The following ZNF350 variants were observed in gnomAD, a reference collection of about 807,000 sequenced individuals.
ZNF350 encodes KRAB zinc finger protein ZFQR.
Under a neutral mutation model 13.1 loss-of-function variants are expected in ZNF350, and 5 were observed. The ratio of observed to expected loss-of-function variants is 0.38; its 90% CI spans 0.20 to 0.80. The LOEUF (loss-of-function observed/expected upper bound fraction) is 0.80. Among genes scored for constraint, ZNF350 ranks in the 30% least tolerant of loss-of-function variants. The pLI, the probability that ZNF350 is intolerant of heterozygous loss-of-function variation, is 0.43. For synonymous variants in ZNF350, 199 were observed against 224.2 expected (o/e 0.89, Z 1.00); for missense variants, 534 against 644.2 (o/e 0.83, Z 1.85).
At chr19:51,983,881 T>C (rs2086112677) in intron 1 of ZNF350, among the ~76,000 whole-genome samples, 1 of 152,222 alleles carries the variant, frequency 6.6e-6, no homozygotes, top group Non-Finnish European at 1.5e-5. Context: ...TCTGATTTCT[T>C]TTCTCAGTCT....
intron 2 of ZNF350, 185 bp downstream of exon 2, chr19:51,974,161 T>A (rs777544152): frequency 3.4e-5 from 19 of 560,302 alleles, no homozygotes; most frequent in Non-Finnish European, 5.5e-5. Context: ...GTGTTAATGC[T>A]ATGAACATTA....
intron 1 of ZNF350, chr19:51,981,157 TG>T (rs2086026115): frequency 6.6e-6 from 1 of 152,228 alleles, no homozygotes; most frequent in Non-Finnish European, 1.5e-5. Context: ...TAAGGTTTGC[TG>T]GAGGCAATCA....
rs965092759 is a variant in ZNF350 at position 51,965,537 on chromosome 19, T to C, written c.916A>G (p.Ile306Val). Reference protein sequence around the residue: ...GKGFIQKGNLIVHQRIHTGEK... With the variant: ...GKGFIQKGNLVVHQRIHTGEK... ...CCTGTATGAATTCGCTGGTGTACAA[T>C]GAGATTTCCTTTCTGGATGAAGCCT... Residue 306 changes from isoleucine to valine, a missense_variant, in exon 5 of 5, where the codon ATT (isoleucine) becomes GTT (valine). Coordinates refer to ENST00000243644, the MANE Select transcript of ZNF350 (RefSeq NM_021632.4). 1.2e-6 allele frequency: 2 copies of C among 1,613,276 alleles called. No homozygotes were observed. The highest frequency in any genetic ancestry group is 3.3e-5 in the Admixed American group (2 of 60,010).
rs2085909231 is a variant in ZNF350, at chr19:51,976,817, A to ATTGG, written c.-171-2290_-171-2287dup. 1 of 152,232 alleles carries ATTGG rather than the reference A, an allele frequency of 6.6e-6. No homozygotes were observed. The highest frequency in any genetic ancestry group is 2.4e-5 in the African/African-American group (1 of 41,446). The allele number at this position is 152,232 out of a possible 1,614,324, so 9.4% of individuals were successfully genotyped here. A position where few individuals can be genotyped will look rare whatever the true frequency, so the allele number is the denominator to read the frequency against. ...CAGGCAGGCACTCTTGATGTGGAAA[A>ATTGG]TTGGGATACAGCAGGAGAAGGATTA... On this transcript the variant is annotated intron_variant, in intron 1 of 4. Transcript: ENST00000243644. This position sits in a 1 kb window ranked among gnomAD's most constrained non-coding sequence, Gnocchi z 4.5.
At chr19:51,968,927 T>C in intron 3 of ZNF350, 78 bp downstream of exon 3, 1 of 1,613,240 alleles carries the variant, frequency 6.2e-7, no homozygotes, top group South Asian at 1.1e-5. Context: ...ACTGCAGGCA[T>C]TCCAAAGAGG....
Position 51,965,838 on chromosome 19 carries a change from A to T in ZNF350, c.615T>A (p.His205Gln), listed in dbSNP as rs2085552678. The T allele has an allele frequency of 1.9e-6, 3 of 1,614,028 alleles. No individual in the cohort carries two copies. The highest frequency in any genetic ancestry group is 2.5e-6 in the Non-Finnish European group (3 of 1,180,044). The stretch of plus-strand genomic sequence containing the variant: ...CTTTCCCACATTCACTGCACACATG[A>T]TGCTTCTCTAATTTTCGTGTTTTCT... ...KHQKTRKLEK[H>Q]HVCSECGKAF... Residue 205 changes from histidine (H) to glutamine (Q), a missense_variant, in exon 5 of 5, where the codon CAT becomes CAA. Coordinates refer to ENST00000243644, the MANE Select transcript of ZNF350 (RefSeq NM_021632.4).
intron 2 of ZNF350, among the ~76,000 whole-genome samples, chr19:51,971,436 AG>A (rs1461290947): frequency 6.6e-6 from 1 of 152,214 alleles, no homozygotes; most frequent in Admixed American, 6.5e-5. Flanking sequence ...AGGGAGCCAA[AG>A]GTCCGTGGGA....
intron 1 of ZNF350, among the ~76,000 whole-genome samples, chr19:51,983,502 A>G (rs1444459031): frequency 6.6e-6 from 1 of 152,204 alleles, no homozygotes; most frequent in Non-Finnish European, 1.5e-5. Context: ...CCAATCATAC[A>G]TTCTATTTAC....
chr19:51,964,632 T>G lies in ZNF350; in HGVS notation c.*222A>C, dbSNP rs1381602803. 5.5e-6 allele frequency: 3 copies of G among 541,576 alleles called. No individual in the cohort carries two copies. Among genetic ancestry groups the G allele is most frequent in the Non-Finnish European group, 9.7e-6 (3 of 310,878 alleles). The allele number at this position is 541,576 out of a possible 1,614,324, so 33.5% of individuals were successfully genotyped here. On this transcript the variant is annotated 3_prime_UTR_variant, in exon 5 of 5. Coordinates refer to ENST00000243644, the MANE Select transcript of ZNF350 (RefSeq NM_021632.4). ...CTTCATTTCCTCCACTTAAAAGTAC[T>G]TGGGCTTCCTTTACTCATTTAATTG...
chr19:51,978,860 A>T (rs188831002), intron 1 of ZNF350, among the ~76,000 whole-genome samples: 11 of 152,352 alleles, frequency 7.2e-5, no homozygotes, highest in South Asian at 4.1e-4. Context: ...GTGTTAGAGG[A>T]AAAAAGCAAA....
intron 1 of ZNF350, chr19:51,981,019 T>G (rs1568487088): frequency 6.6e-6 from 1 of 152,188 alleles, no homozygotes; most frequent in South Asian, 2.1e-4. Flanking sequence ...GAAAGGGGGA[T>G]ATGCAGGGAG....
At position 51,974,424 on chromosome 19, in the gene ZNF350, CT is replaced by C. The variant is rs972513261; in HGVS notation, c.-65del. The C allele has an allele frequency of 6.3e-7, 1 of 1,586,164 alleles. No individual in the cohort carries two copies. The highest frequency in any genetic ancestry group is 1.3e-5 in the African/African-American group (1 of 74,088). ...GTCTGTCTTTGTATCTTCTGGCCTT[CT>C]CTTCAGAAGTCTCAGTTTTCAATCA... On this transcript the variant is annotated 5_prime_UTR_variant, in exon 2 of 5. Transcript: ENST00000243644.
At position 51,974,380 on chromosome 19, in the gene ZNF350, A is replaced by G; in HGVS notation, c.-20T>C. 6.2e-7 allele frequency: 1 copy of G among 1,613,740 alleles called. No homozygotes were observed. Among genetic ancestry groups the G allele is most frequent in the Non-Finnish European group, 8.5e-7 (1 of 1,179,772 alleles). On this transcript the variant is annotated 5_prime_UTR_variant, in exon 2 of 5. Transcript: ENST00000243644. ...GATCATTTTCTTCTGTTCTTGGAAG[A>G]CAGCATTCAACTGGGATGGTCTGTC...
intron 4 of ZNF350, chr19:51,967,408 AAAAAATAAATTAAT>A (rs1211171599): frequency 1.3e-5 from 2 of 152,090 alleles, no homozygotes; most frequent in Non-Finnish European, 2.9e-5. Flanking sequence ...TGTCTTAAAA[AAAAAATAAATTAAT>A]AAAAATAAAT....
At chr19:51,968,821 T>A in intron 3 of ZNF350, 148 bp from the exon 4 acceptor site, 1 of 1,443,270 alleles carries the variant, frequency 6.9e-7, no homozygotes, top group Non-Finnish European at 9.5e-7. Flanking sequence ...TTTCGTTTCA[T>A]ATCTGTAACA....
At chr19:51,969,257 C>T (rs1209234064) in intron 2 of ZNF350, 126 bp from the exon 3 acceptor site, 14 of 1,110,670 alleles carry the variant, frequency 1.3e-5, no homozygotes, top group Admixed American at 2.9e-5. Flanking sequence ...TTTTTTAATA[C>T]AATGTGGAAG....
Position 51,969,061 on chromosome 19 carries a change from T to G in ZNF350, c.86A>C (p.Gln29Pro). 1 of 1,614,142 alleles carries G rather than the reference T, an allele frequency of 6.2e-7. No homozygotes were observed. Among genetic ancestry groups the G allele is most frequent in the Non-Finnish European group, 8.5e-7 (1 of 1,179,998 alleles). The change falls in exon 3 of 5, where the codon CAG becomes CCG. Residue 29 changes from glutamine to proline, a missense_variant. Coordinates refer to ENST00000243644, the MANE Select transcript of ZNF350 (RefSeq NM_021632.4). ...WEEWQLLGAA[Q>P]KDLYRDVMLE... ...CATCACATCCCGGTACAGGTCCTTCTGAGCAGCGCCCAGGAGTTGCCACTC... is the reference window on the plus strand; with the variant it reads ...CATCACATCCCGGTACAGGTCCTTCGGAGCAGCGCCCAGGAGTTGCCACTC...
rs1322889405 is a variant in ZNF350 at position 51,966,273 on chromosome 19, G to GTT, written c.239-61_239-60dup. 1.1e-5 allele frequency: 16 copies of GTT among 1,457,584 alleles called. No individual in the cohort carries two copies. The African/African-American group carries it at 1.2e-4, about 11-fold the overall frequency. 90.3% of individuals were successfully genotyped at this position (1,457,584 alleles called of 1,614,324 possible). A position where few individuals can be genotyped will look rare whatever the true frequency, so the allele number is the denominator to read the frequency against. On this transcript the variant is annotated intron_variant, in intron 4 of 4. Transcript: ENST00000243644. ...AGATTTGGGGTAAAAGTTTGTTGTG[G>GTT]TTTTTTTGTTTTTTTTGTTTTTTTT... is the stretch of plus-strand genomic sequence containing the variant.
rs2085514391 is a variant in ZNF350, at chr19:51,964,675, CTG to C, written c.*177_*178del. The C allele has an allele frequency of 1.6e-6, 1 of 634,736 alleles. No homozygotes were observed. Among genetic ancestry groups the C allele is most frequent in the East Asian group, 2.8e-5 (1 of 35,202 alleles). The allele number at this position is 634,736 out of a possible 1,614,324, so 39.3% of individuals were successfully genotyped here. The stretch of plus-strand genomic sequence containing the variant: ...TTTAATTGACACAGTCGAGCAATTG[CTG>C]TGTATGTGCTTAGGTTAACATCAAA... On this transcript the variant is annotated 3_prime_UTR_variant, in exon 5 of 5. Coordinates refer to ENST00000243644, the MANE Select transcript of ZNF350 (RefSeq NM_021632.4).
Sources: gnomAD v4.1 joint callset for allele counts (sites outside exome capture counted in the v4.1 genomes callset) on GRCh38, gnomAD v4.1.1 for gene constraint, Gnocchi (gnomAD v3.1) non-coding constraint, MANE v1.5 for transcripts, NCBI Gene and HGNC (gene_info 2026-07-23, HGNC 2026-07-21) for gene names.